ZHX3: variants seen among roughly 807,000 people sequenced by gnomAD.
ZHX3 encodes the protein zinc fingers and homeoboxes protein 3.
In ZHX3, 20 loss-of-function variants were observed where a neutral mutation model predicts 64.5. The ratio of observed to expected loss-of-function variants is 0.31; its 90% CI spans 0.22 to 0.45. ZHX3 has a LOEUF of 0.45. Ranked by LOEUF, ZHX3 falls within the 20% of genes least tolerant of loss-of-function variation. The probability of loss-of-function intolerance (pLI) is 1.00; values close to 1 mark genes in which losing one functional copy is unlikely to be tolerated. For synonymous variants in ZHX3, 423 were observed against 461.6 expected (o/e 0.92, Z 1.07); for missense variants, 1,041 against 1,195.8 (o/e 0.87, Z 1.91).
At chr20:41,205,140 T>C (rs2038594945) in intron 2 of ZHX3, 74 bp from the exon 3 acceptor site, 1 of 620,130 alleles carries the variant, frequency 1.6e-6, no homozygotes, top group Non-Finnish European at 2.4e-6. Flanking sequence ...CCCAGACACA[T>C]TCCACTGCTT....
rs79565936 is a variant in ZHX3 at position 41,306,601 on chromosome 20, A to C, written c.-245+10908T>G. ...AGTATCTGACACATAGTAGTCACAT[A>C]ATAAGTATGTTATTTGGTGAATTAC... On this transcript the variant is annotated intron_variant, in intron 1 of 3. Transcript: ENST00000683867. 3.0e-4 allele frequency among the ~76,000 whole-genome samples: 46 copies of C among 152,324 alleles called. No individual in the cohort carries two copies. In the East Asian group the frequency reaches 6.4e-3, roughly 21 times the overall value.
intron 2 of ZHX3, among the ~76,000 whole-genome samples, chr20:41,230,958 A>G (rs867476048): frequency 1.6e-4 from 25 of 152,236 alleles, no homozygotes; most frequent in Admixed American, 1.4e-3. Flanking sequence ...ATATGTATCT[A>G]CAATATTATA....
chr20:41,191,356 T>C (rs1028596994), intron 3 of ZHX3, among the ~76,000 whole-genome samples: 2 of 152,230 alleles, frequency 1.3e-5, no homozygotes, highest in African/African-American at 4.8e-5. Flanking sequence ...AAGTCTTCTA[T>C]TCCAGCATTT....
At chr20:41,268,674 T>G (rs941691626) in intron 2 of ZHX3, among the ~76,000 whole-genome samples, 2 of 152,214 alleles carry the variant, frequency 1.3e-5, no homozygotes, top group Non-Finnish European at 2.9e-5. Context: ...TGACTCACCC[T>G]GCACATCATA....
In ZHX3 at chr20:41,178,612, C is replaced by T. The variant is rs1237840812; in HGVS notation, c.*6579G>A. The stretch of plus-strand genomic sequence containing the variant: ...GCAATTTGCATCTTAGAAATAGCAG[C>T]ATCCCCACAGGGGACCTCGTGAGGC... On this transcript the variant is annotated 3_prime_UTR_variant, in exon 4 of 4. Coordinates refer to ENST00000683867, the MANE Select transcript of ZHX3 (RefSeq NM_001384317.1). The T allele has an allele frequency of 2.0e-5, 3 of 152,668 alleles. No homozygotes were observed. The highest frequency in any genetic ancestry group is 7.2e-5 in the African/African-American group (3 of 41,468). The allele number at this position is 152,668 out of a possible 1,614,324, so 9.5% of individuals were successfully genotyped here. A position where few individuals can be genotyped will look rare whatever the true frequency, so the allele number is the denominator to read the frequency against.
intron 1 of ZHX3, among the ~76,000 whole-genome samples, chr20:41,309,971 C>T (rs573706136): frequency 6.6e-6 from 1 of 152,314 alleles, no homozygotes; most frequent in South Asian, 2.1e-4. Flanking sequence ...TCCACTCATG[C>T]GTCCCTCTCT....
rs143048558 is a variant in ZHX3 at position 41,184,148 on chromosome 20, C to T, written c.*1043G>A. On this transcript the variant is annotated 3_prime_UTR_variant, in exon 4 of 4. Transcript: ENST00000683867. ...CCAAGAAGTCAACAAATCCCTCCAG[C>T]CTTCACCCTTACTAATGGGCCAGTG... 12 of 152,292 alleles carry T rather than the reference C, an allele frequency of 7.9e-5. No individual in the cohort carries two copies. The highest frequency in any genetic ancestry group is 1.3e-4 in the Non-Finnish European group (9 of 68,054). 9.4% of individuals were successfully genotyped at this position (152,292 alleles called of 1,614,324 possible). A position where few individuals can be genotyped will look rare whatever the true frequency, so the allele number is the denominator to read the frequency against.
At chr20:41,279,660 A>G (rs1436971097) in intron 1 of ZHX3, among the ~76,000 whole-genome samples, 1 of 152,200 alleles carries the variant, frequency 6.6e-6, no homozygotes, top group Admixed American at 6.5e-5. Flanking sequence ...AAAATACAAG[A>G]GTAATAAGTT....
intron 1 of ZHX3, among the ~76,000 whole-genome samples, chr20:41,293,552 A>G (rs1399448916): frequency 6.6e-6 from 1 of 152,218 alleles, no homozygotes; most frequent in East Asian, 1.9e-4. Flanking sequence ...GATTTGCTAA[A>G]GAAAAAAAAA....
At chr20:41,236,350 A>G (rs1475025592) in intron 2 of ZHX3, among the ~76,000 whole-genome samples, 1 of 152,224 alleles carries the variant, frequency 6.6e-6, no homozygotes, top group Non-Finnish European at 1.5e-5. Context: ...TGGAGGCATC[A>G]TGCTACCTGA....
At chr20:41,300,494 A>G (rs2044760625) in intron 1 of ZHX3, among the ~76,000 whole-genome samples, 1 of 152,206 alleles carries the variant, frequency 6.6e-6, no homozygotes, top group African/African-American at 2.4e-5. Flanking sequence ...TCTTTGTCCT[A>G]GATCACGCAG....
At chr20:41,209,585 GA>G (rs1256085563) in intron 2 of ZHX3, among the ~76,000 whole-genome samples, 4 of 152,168 alleles carry the variant, frequency 2.6e-5, no homozygotes, top group African/African-American at 9.7e-5. Context: ...ACAAAAACAA[GA>G]AATGGGGAAA....
chr20:41,303,237 T>C (rs2044876843), intron 1 of ZHX3, among the ~76,000 whole-genome samples: 1 of 152,168 alleles, frequency 6.6e-6, no homozygotes, highest in African/African-American at 2.4e-5. Flanking sequence ...ATCTAATCTC[T>C]CAAAGCCACA....
At chr20:41,240,171 A>AT (rs932000263) in intron 2 of ZHX3, among the ~76,000 whole-genome samples, 2 of 151,958 alleles carry the variant, frequency 1.3e-5, no homozygotes, top group Non-Finnish European at 2.9e-5. Context: ...TAATTTTTGT[A>AT]TTTTTTTAGT....
intron 3 of ZHX3, among the ~76,000 whole-genome samples, chr20:41,190,420 C>A (rs1369081982): frequency 1.3e-5 from 2 of 152,224 alleles, no homozygotes; most frequent in Non-Finnish European, 2.9e-5. Flanking sequence ...ATCTGCCCAC[C>A]TTGACCTCCC....
chr20:41,198,054 G>A (rs550155496), intron 3 of ZHX3, among the ~76,000 whole-genome samples: 1 of 146,664 alleles, frequency 6.8e-6, no homozygotes, highest in South Asian at 2.2e-4. Context: ...ACCCAGGCTG[G>A]AGTACAGTGG....
At chr20:41,317,349 G>C (rs1003192874) in intron 1 of ZHX3, among the ~76,000 whole-genome samples, 160 bp downstream of exon 1, 3 of 152,190 alleles carry the variant, frequency 2.0e-5, no homozygotes, top group Non-Finnish European at 4.4e-5. Flanking sequence ...GGGGCAGCCG[G>C]CGGGAGGGGG....
intron 1 of ZHX3, among the ~76,000 whole-genome samples, chr20:41,309,376 G>A (rs760924196): frequency 6.6e-6 from 1 of 152,178 alleles, no homozygotes; most frequent in African/African-American, 2.4e-5. Context: ...ATTACCAAGT[G>A]GGGAGGGTGT....
chr20:41,192,147 G>A (rs916485915), intron 3 of ZHX3, among the ~76,000 whole-genome samples: 7 of 152,174 alleles, frequency 4.6e-5, no homozygotes, highest in African/African-American at 1.4e-4. Context: ...GCAACAGGCT[G>A]GGCGGCCCAT....
Sources: allele counts gnomAD v4.1 joint callset (sites outside exome capture counted in the v4.1 genomes callset), GRCh38; gene constraint gnomAD v4.1.1; transcripts MANE v1.5; gene names NCBI Gene and HGNC (gene_info 2026-07-23, HGNC 2026-07-21).